Variants in ATP10B observed in about 807,000 individuals in gnomAD.
ATP10B encodes the protein phospholipid-transporting ATPase VB.
In ATP10B, 122 loss-of-function variants were observed where a neutral mutation model predicts 141.2. That is an observed-to-expected ratio of 0.86 (90% CI 0.75 to 1.00). The LOEUF (loss-of-function observed/expected upper bound fraction) is 1.00, where lower values mean the gene tolerates loss of function less well. Ranked by LOEUF, ATP10B falls within the 50% of genes least tolerant of loss-of-function variation. The pLI is 0.00. For missense variants in ATP10B, 1,876 were observed against 1,825.3 expected (o/e 1.03, Z -0.51); for synonymous variants, 685 against 692.0 (o/e 0.99, Z 0.16).
chr5:160,811,984 C>G (rs1732548352), intron 1 of ATP10B, among the ~76,000 whole-genome samples: 1 of 148,572 alleles, frequency 6.7e-6, no homozygotes, highest in South Asian at 2.1e-4. Context: ...CAGCTCCAGA[C>G]AGCTCTGAAC....
At chr5:160,875,961 C>T in the ATP10B span, among the ~76,000 whole-genome samples, 4 of 56,516 alleles carry the variant, frequency 7.1e-5, 1 homozygote, top group Non-Finnish European at 1.0e-4. Context: ...CCACTGTCAA[C>T]ATTAGACAGA....
chr5:160,715,389 C>G (rs1385881745), intron 3 of ATP10B, among the ~76,000 whole-genome samples: 2 of 142,554 alleles, frequency 1.4e-5, no homozygotes, highest in Non-Finnish European at 3.1e-5. Flanking sequence ...CAGGTGCGTC[C>G]GTCACCCCTT....
intron 1 of ATP10B, among the ~76,000 whole-genome samples, chr5:160,838,732 GATGAA>G (rs1438875600): frequency 2.6e-5 from 4 of 152,134 alleles, no homozygotes; most frequent in African/African-American, 4.8e-5. Flanking sequence ...CATTTTTGAT[GATGAA>G]ATGAAATGAA....
the ATP10B span, among the ~76,000 whole-genome samples, chr5:160,909,465 A>G: frequency 6.6e-6 from 1 of 152,320 alleles, no homozygotes; most frequent in East Asian, 1.9e-4. Flanking sequence ...ACACATGAGC[A>G]GAGGAACACT....
chr5:160,677,463 T>C (rs113973390), intron 6 of ATP10B, among the ~76,000 whole-genome samples: 2 of 152,210 alleles, frequency 1.3e-5, no homozygotes, highest in Non-Finnish European at 2.9e-5. Flanking sequence ...TGGATGTTTT[T>C]CTGTTGTCTG....
At chr5:160,732,505 A>G (rs1766817089) in intron 2 of ATP10B, among the ~76,000 whole-genome samples, 1 of 152,174 alleles carries the variant, frequency 6.6e-6, no homozygotes, top group East Asian at 1.9e-4. Context: ...GTCTAGTTTC[A>G]TTCTTCTGCA....
At chr5:160,676,536 G>A (rs1763041591) in intron 6 of ATP10B, among the ~76,000 whole-genome samples, 1 of 152,188 alleles carries the variant, frequency 6.6e-6, no homozygotes, top group Admixed American at 6.5e-5. Flanking sequence ...AGCTTGCTAA[G>A]AGCTGCGATG....
chr5:160,910,929 T>C, the ATP10B span, among the ~76,000 whole-genome samples: 468 of 152,310 alleles, frequency 3.1e-3, 2 homozygotes, highest in African/African-American at 0.011. Flanking sequence ...GCCTTTTTCC[T>C]GGGCGTAAGT....
the ATP10B span, among the ~76,000 whole-genome samples, chr5:160,874,249 T>G: frequency 2.2e-5 from 2 of 90,978 alleles, no homozygotes; most frequent in Non-Finnish European, 5.2e-5. Flanking sequence ...GCAGGCTAAC[T>G]GGGAGGCACC....
the ATP10B span, among the ~76,000 whole-genome samples, chr5:160,912,802 GCTGT>G: frequency 1.3e-5 from 2 of 152,158 alleles, no homozygotes; most frequent in Admixed American, 6.5e-5. Context: ...GTTCAGCGGG[GCTGT>G]CTATCTGGCA....
intron 25 of ATP10B, 61 bp downstream of exon 25, chr5:160,569,435 A>T: frequency 6.4e-7 from 1 of 1,561,110 alleles, no homozygotes; most frequent in Non-Finnish European, 8.8e-7. Context: ...GGGTTATAAA[A>T]ATGGCTTATT....
the ATP10B span, among the ~76,000 whole-genome samples, chr5:160,868,027 C>G: frequency 6.6e-6 from 1 of 151,980 alleles, no homozygotes; most frequent in Non-Finnish European, 1.5e-5. Flanking sequence ...CTCTGAAAAC[C>G]AACAAAATCC....
chr5:160,921,779 C>T, the ATP10B span, among the ~76,000 whole-genome samples: 520 of 152,312 alleles, frequency 3.4e-3, 1 homozygote, highest in African/African-American at 0.011. Context: ...CAGGACATTC[C>T]CTTGGCCCTC....
At chr5:160,698,194 T>C (rs1764479007) in intron 3 of ATP10B, among the ~76,000 whole-genome samples, 1 of 152,168 alleles carries the variant, frequency 6.6e-6, no homozygotes, top group Non-Finnish European at 1.5e-5. Context: ...AAATTCACTT[T>C]AGTTCCAGGA....
rs1420288455 is a variant in ATP10B at position 160,634,754 on chromosome 5, T to A, written c.1129-148A>T. 3.0e-5 allele frequency: 25 copies of A among 826,078 alleles called. No individual in the cohort carries two copies. The East Asian group carries it at 6.7e-4, about 22-fold the overall frequency. The allele number at this position is 826,078 out of a possible 1,614,324, so 51.2% of individuals were successfully genotyped here. A position where few individuals can be genotyped will look rare whatever the true frequency, so the allele number is the denominator to read the frequency against. Reference sequence around the variant, plus strand: ...GTGAAATTAACGGTCAATGACCTCATGCATCCCTTGGAATTCTTAGGGGAA... The same window carrying A: ...GTGAAATTAACGGTCAATGACCTCAAGCATCCCTTGGAATTCTTAGGGGAA... On this transcript the variant is annotated intron_variant, in intron 11 of 25. Transcript: ENST00000327245.
chr5:160,793,427 T>TAGAC (rs1271180268), intron 1 of ATP10B, among the ~76,000 whole-genome samples: 1 of 152,180 alleles, frequency 6.6e-6, no homozygotes, highest in African/African-American at 2.4e-5. Context: ...CCAACACTCT[T>TAGAC]CAACAATTGT....
intron 3 of ATP10B, among the ~76,000 whole-genome samples, chr5:160,693,853 T>C (rs1277795718): frequency 4.6e-5 from 7 of 152,212 alleles, no homozygotes; most frequent in African/African-American, 1.7e-4. Context: ...AATGCTCGCC[T>C]GCCACTTACC....
the ATP10B span, among the ~76,000 whole-genome samples, chr5:160,901,476 G>A: frequency 2.0e-5 from 3 of 152,128 alleles, no homozygotes; most frequent in African/African-American, 4.8e-5. Flanking sequence ...TGAGTGCTGG[G>A]GATTTAGTAA....
chr5:160,872,067 T>A, the ATP10B span, among the ~76,000 whole-genome samples: 1 of 152,120 alleles, frequency 6.6e-6, no homozygotes, highest in Admixed American at 6.5e-5. Context: ...CTATTTTGAT[T>A]CTTGAATTAT....
Sources: gnomAD v4.1 joint callset for allele counts (sites outside exome capture counted in the v4.1 genomes callset) on GRCh38, gnomAD v4.1.1 for gene constraint, MANE v1.5 for transcripts, NCBI Gene and HGNC (gene_info 2026-07-23, HGNC 2026-07-21) for gene names.